AP5M1: variants seen among roughly 807,000 people sequenced by gnomAD.
AP5M1 encodes the protein adaptor related protein complex 5 subunit mu 1, also known as AP-5 complex subunit mu-1.
Under a neutral mutation model 52.3 loss-of-function variants are expected in AP5M1, and 44 were observed. That is an observed-to-expected ratio of 0.84 (90% CI 0.66 to 1.08). AP5M1 has a LOEUF of 1.08. AP5M1 is among the 50% of genes least tolerant of loss of function. AP5M1 has a pLI of 0.00. For missense variants in AP5M1, 526 were observed against 568.4 expected, an observed-to-expected ratio of 0.93 and a Z score of 0.76; for synonymous variants, 213 against 199.0, an observed-to-expected ratio of 1.07 and a Z score of -0.59.
At chr14:57,287,363 A>G (rs917417575) in intron 7 of AP5M1, among the ~76,000 whole-genome samples, 2 of 152,102 alleles carry the variant, frequency 1.3e-5, no homozygotes, top group African/African-American at 2.4e-5. Context: ...CTAAGCAACT[A>G]TTTGTGCTTG....
rs1884810462 is a variant in AP5M1 at position 57,269,218 on chromosome 14, G to C, written c.-97G>C. 1 of 1,191,734 alleles carries C rather than the reference G, an allele frequency of 8.4e-7. No individual in the cohort carries two copies. Among genetic ancestry groups the C allele is most frequent in the Non-Finnish European group, 1.2e-6 (1 of 817,682 alleles). The allele number at this position is 1,191,734 out of a possible 1,614,324, so 73.8% of individuals were successfully genotyped here. On this transcript the variant is annotated 5_prime_UTR_variant, in exon 1 of 8. Coordinates refer to ENST00000261558, the MANE Select transcript of AP5M1 (RefSeq NM_018229.4). ...GGTATGCGGCGCAGGATGAGCCTCA[G>C]GGCTTCTGTTAAGAGTCTGTCTGAG...
intron 3 of AP5M1, among the ~76,000 whole-genome samples, chr14:57,281,593 G>A (rs1227549630): frequency 6.6e-6 from 1 of 152,224 alleles, no homozygotes; most frequent in Non-Finnish European, 1.5e-5. Context: ...CAGCTTTAGG[G>A]CTTGCCCTGT....
intron 7 of AP5M1, among the ~76,000 whole-genome samples, chr14:57,287,475 A>G (rs143811064): frequency 6.2e-4 from 95 of 152,186 alleles, no homozygotes; most frequent in African/African-American, 2.1e-3. Flanking sequence ...TTTGTTGTAT[A>G]TATGAGAGAC....
At position 57,274,312 on chromosome 14, in the gene AP5M1, A is replaced by G. The variant is rs200799961; in HGVS notation, c.143A>G (p.Asp48Gly). 28 of 1,614,070 alleles carry G rather than the reference A, an allele frequency of 1.7e-5. No individual in the cohort carries two copies. Among genetic ancestry groups the G allele is most frequent in the Non-Finnish European group, 1.7e-6 (2 of 1,180,026 alleles). The change falls in exon 2 of 8, where the codon GAT becomes GGT. Residue 48 changes from aspartate to glycine, a missense_variant. Coordinates refer to ENST00000261558, the MANE Select transcript of AP5M1 (RefSeq NM_018229.4). Reference sequence around the variant, plus strand: ...GCAAGTTATGTGCCTGTTCCTGAAGATGGTCCCTTTCTTAAAGCACTGCTC... The same window carrying G: ...GCAAGTTATGTGCCTGTTCCTGAAGGTGGTCCCTTTCTTAAAGCACTGCTC... ...NGASYVPVPE[D>G]GPFLKALLFE...
At position 57,289,097 on chromosome 14, in the gene AP5M1, G is replaced by T; in HGVS notation, c.*213G>T. 1 of 354,070 alleles carries T rather than the reference G, an allele frequency of 2.8e-6. No individual in the cohort carries two copies. The highest frequency in any genetic ancestry group is 5.1e-6 in the Non-Finnish European group (1 of 195,236). 21.9% of individuals were successfully genotyped at this position (354,070 alleles called of 1,614,324 possible). A position where few individuals can be genotyped will look rare whatever the true frequency, so the allele number is the denominator to read the frequency against. On this transcript the variant is annotated 3_prime_UTR_variant, in exon 8 of 8. Transcript: ENST00000261558. ...CAATTTTGTTAACCTTCGATTTTAT[G>T]CCAGTATAATTCAGAACATAGAAAA... is the stretch of plus-strand genomic sequence containing the variant.
At chr14:57,280,476 A>G (rs1019232955) in intron 3 of AP5M1, 54 bp downstream of exon 3, 9 of 1,139,726 alleles carry the variant, frequency 7.9e-6, no homozygotes, top group African/African-American at 3.1e-5. Flanking sequence ...CATAAATACT[A>G]TTGATAAGTA....
At position 57,269,178 on chromosome 14, in the gene AP5M1, C is replaced by A; in HGVS notation, c.-137C>A. 1 of 785,194 alleles carries A rather than the reference C, an allele frequency of 1.3e-6. No individual in the cohort carries two copies. Among genetic ancestry groups the A allele is most frequent in the Non-Finnish European group, 2.1e-6 (1 of 478,860 alleles). 48.6% of individuals were successfully genotyped at this position (785,194 alleles called of 1,614,324 possible). A position where few individuals can be genotyped will look rare whatever the true frequency, so the allele number is the denominator to read the frequency against. ...ACTTCACCTAAAAAAGCTAACCTCTCTGCTGAGCGCGACCGGTATGCGGCG... is the reference window on the plus strand; with the variant it reads ...ACTTCACCTAAAAAAGCTAACCTCTATGCTGAGCGCGACCGGTATGCGGCG... On this transcript the variant is annotated 5_prime_UTR_variant, in exon 1 of 8. It adds an upstream start codon to the 5' untranslated region. Coordinates refer to ENST00000261558, the MANE Select transcript of AP5M1 (RefSeq NM_018229.4).
Position 57,297,833 on chromosome 14 carries a change from T to C in AP5M1, c.*8949T>C, listed in dbSNP as rs940658595. ...GATTGTCCTGTCACCTAAAACAAAT[T>C]AGTGATGTTTGAGTAATTAGGGTTT... is the stretch of plus-strand genomic sequence containing the variant. On this transcript the variant is annotated 3_prime_UTR_variant, in exon 8 of 8. Coordinates refer to ENST00000261558, the MANE Select transcript of AP5M1 (RefSeq NM_018229.4). 6.6e-6 allele frequency: 1 copy of C among 152,104 alleles called. No individual in the cohort carries two copies. Among genetic ancestry groups the C allele is most frequent in the African/African-American group, 2.4e-5 (1 of 41,428 alleles). 9.4% of individuals were successfully genotyped at this position (152,104 alleles called of 1,614,324 possible).
At chr14:57,286,539 T>G (rs1168124035) in intron 7 of AP5M1, 1 of 408,878 alleles carries the variant, frequency 2.4e-6, no homozygotes, top group African/African-American at 2.1e-5. Flanking sequence ...AAGATTGGGA[T>G]AGAGGGGAAC....
chr14:57,274,422 G>A lies in AP5M1; in HGVS notation c.253G>A (p.Gly85Arg), dbSNP rs763954006. The A allele has an allele frequency of 1.9e-6, 3 of 1,614,138 alleles. No individual in the cohort carries two copies. In the East Asian group the frequency reaches 6.7e-5, roughly 36 times the overall value. Residue 85 changes from glycine (G) to arginine (R), a missense_variant, in exon 2 of 8, where the codon GGA (glycine) becomes AGA (arginine). Physicochemically the swap from Gly to Arg is moderately radical, Grantham distance 125 (BLOSUM62 -2). Transcript: ENST00000261558. Reference sequence around the variant, plus strand: ...ACGCATCAATAAAACATCCATTTATGGACTCCTGATAGGAGGTGAAGAACT... The same window carrying A: ...ACGCATCAATAAAACATCCATTTATAGACTCCTGATAGGAGGTGAAGAACT... ...CSRINKTSIY[G>R]LLIGGEELWP...
chr14:57,285,882 T>A (rs1885294990), intron 6 of AP5M1, among the ~76,000 whole-genome samples: 1 of 152,164 alleles, frequency 6.6e-6, no homozygotes, highest in African/African-American at 2.4e-5. Flanking sequence ...GCTCTGCTGC[T>A]TACGTGCTGG....
At position 57,293,337 on chromosome 14, in the gene AP5M1, CT is replaced by C. The variant is rs1743904796; in HGVS notation, c.*4454del. 6.6e-6 allele frequency: 1 copy of C among 151,510 alleles called. No homozygotes were observed. 9.4% of individuals were successfully genotyped at this position (151,510 alleles called of 1,614,324 possible). On this transcript the variant is annotated 3_prime_UTR_variant, in exon 8 of 8. Coordinates refer to ENST00000261558, the MANE Select transcript of AP5M1 (RefSeq NM_018229.4). ...ACAGCATTTTAATGCTTAGTAATTA[CT>C]GTTCTAGTAGCATTTTGCAATACAA...
At chr14:57,281,921 A>C (rs1209541092) in intron 3 of AP5M1, among the ~76,000 whole-genome samples, 168 bp from the exon 4 acceptor site, 1 of 152,154 alleles carries the variant, frequency 6.6e-6, no homozygotes, top group Non-Finnish European at 1.5e-5. Flanking sequence ...TCCGAAAACA[A>C]AGAGAGAAGA....
rs2139703074 is a variant in AP5M1 at position 57,293,904 on chromosome 14, A to T, written c.*5020A>T. On this transcript the variant is annotated 3_prime_UTR_variant, in exon 8 of 8. Transcript: ENST00000261558. ...AGTATTAGTTAATAGTAATGAAATGATTCATTAAACTGAAAATTGCAAAGG... is the reference window on the plus strand; with the variant it reads ...AGTATTAGTTAATAGTAATGAAATGTTTCATTAAACTGAAAATTGCAAAGG... The T allele has an allele frequency of 6.6e-6, 1 of 151,764 alleles. No homozygotes were observed. The highest frequency in any genetic ancestry group is 1.9e-4 in the East Asian group (1 of 5,158). The allele number at this position is 151,764 out of a possible 1,614,324, so 9.4% of individuals were successfully genotyped here.
rs773872645 is a variant in AP5M1, at chr14:57,288,811, T to C, written c.1400T>C (p.Leu467Pro). 1 of 1,582,736 alleles carries C rather than the reference T, an allele frequency of 6.3e-7. No individual in the cohort carries two copies. Among genetic ancestry groups the C allele is most frequent in the South Asian group, 1.1e-5 (1 of 88,314 alleles). The change falls in exon 8 of 8, where the codon CTA becomes CCA. Residue 467 changes from leucine to proline, a missense_variant. By Grantham distance (98) the Leu-to-Pro change is moderately conservative. Transcript: ENST00000261558. ...TTTTTCTTTTCTTTAGACCGGAAAC[T>C]AATTTCTTCTGATTATTACATCTGG... ...GKPKISAHRKLISSDYYIWNS... is the reference protein window; with the variant it reads ...GKPKISAHRKPISSDYYIWNS...
chr14:57,275,884 A>G (rs1385151231), intron 2 of AP5M1, among the ~76,000 whole-genome samples: 2 of 152,238 alleles, frequency 1.3e-5, no homozygotes, highest in Non-Finnish European at 2.9e-5. Flanking sequence ...TAAACTTCCT[A>G]CAAGTTTATA....
intron 3 of AP5M1, among the ~76,000 whole-genome samples, chr14:57,281,545 C>T (rs1042341776): frequency 6.6e-6 from 1 of 152,254 alleles, no homozygotes; most frequent in African/African-American, 2.4e-5. Context: ...TCTCAGTCTC[C>T]TCTTTCAACT....
chr14:57,269,014 C>A lies in AP5M1; in HGVS notation c.-301C>A. 1.8e-6 allele frequency: 1 copy of A among 552,358 alleles called. No individual in the cohort carries two copies. The highest frequency in any genetic ancestry group is 3.2e-6 in the Non-Finnish European group (1 of 316,906). The allele number at this position is 552,358 out of a possible 1,614,324, so 34.2% of individuals were successfully genotyped here. A position where few individuals can be genotyped will look rare whatever the true frequency, so the allele number is the denominator to read the frequency against. On this transcript the variant is annotated 5_prime_UTR_variant, in exon 1 of 8. Coordinates refer to ENST00000261558, the MANE Select transcript of AP5M1 (RefSeq NM_018229.4). ...TATGAGGAACTTTGATCCTTGCGGGCCACCATTCCGGAAGTAGAATTTAGA... is the reference window on the plus strand; with the variant it reads ...TATGAGGAACTTTGATCCTTGCGGGACACCATTCCGGAAGTAGAATTTAGA...
At chr14:57,283,960 C>G (rs1384708385) in intron 6 of AP5M1, among the ~76,000 whole-genome samples, 1 of 152,158 alleles carries the variant, frequency 6.6e-6, no homozygotes, top group African/African-American at 2.4e-5. Flanking sequence ...GCATTCCAGC[C>G]TGGGCGATAG....
Sources: allele counts gnomAD v4.1 joint callset (sites outside exome capture counted in the v4.1 genomes callset), GRCh38; gene constraint gnomAD v4.1.1; transcripts MANE v1.5; gene names NCBI Gene and HGNC (gene_info 2026-07-23, HGNC 2026-07-21).